Variants in ESR1 observed in about 807,000 individuals in gnomAD.
ESR1 encodes the protein estrogen receptor 1, also known as estrogen receptor.
Under a neutral mutation model 52.7 loss-of-function variants are expected in ESR1, and 12 were observed. That is an observed-to-expected ratio of 0.23 (90% CI 0.15 to 0.37). ESR1 has a LOEUF of 0.37. Ranked by LOEUF, ESR1 falls within the 10% of genes least tolerant of loss-of-function variation. ESR1 has a pLI of 1.00. For missense variants in ESR1, 584 were observed against 779.7 expected (o/e 0.75, Z 2.99); for synonymous variants, 305 against 316.8 (o/e 0.96, Z 0.39).
At chr6:151,845,162 A>C (rs1424844336) in intron 2 of ESR1, among the ~76,000 whole-genome samples, 1 of 152,244 alleles carries the variant, frequency 6.6e-6, no homozygotes, top group Non-Finnish European at 1.5e-5. Flanking sequence ...CAGAAAAAAC[A>C]GAAGGAAAAT....
At chr6:151,817,821 T>C (rs1187493747) in intron 1 of ESR1, among the ~76,000 whole-genome samples, 1 of 152,200 alleles carries the variant, frequency 6.6e-6, no homozygotes, top group Non-Finnish European at 1.5e-5. Flanking sequence ...ATAGGGTTCT[T>C]TTTCCCTCTG....
chr6:151,795,281 G>A, intron 2 of ESR1, among the ~76,000 whole-genome samples: 1 of 151,964 alleles, frequency 6.6e-6, no homozygotes, highest in Middle Eastern at 3.4e-3. Context: ...GAGGTCAGGA[G>A]TTTGAAACCA....
chr6:151,751,581 A>AG (rs1264240293), intron 2 of ESR1, among the ~76,000 whole-genome samples: 1 of 152,210 alleles, frequency 6.6e-6, no homozygotes, highest in Non-Finnish European at 1.5e-5. Context: ...GGAGAAATTT[A>AG]GGGGGGAAAA....
At chr6:152,112,070 A>G (rs765067107) in intron 6 of ESR1, among the ~76,000 whole-genome samples, 6 of 152,228 alleles carry the variant, frequency 3.9e-5, no homozygotes, top group Non-Finnish European at 7.3e-5. Context: ...GGAGGTTTGG[A>G]TGGAAAAGTT....
chr6:152,105,819 C>T (rs1292963204), downstream of ESR1, among the ~76,000 whole-genome samples: 4 of 109,858 alleles, frequency 3.6e-5, no homozygotes, highest in African/African-American at 7.2e-5. Context: ...CTCGCTCTGT[C>T]GCCCAGGCCG....
chr6:151,820,258 A>C (rs768507855), intron 1 of ESR1, among the ~76,000 whole-genome samples: 25 of 152,228 alleles, frequency 1.6e-4, no homozygotes, highest in Admixed American at 5.2e-4. Flanking sequence ...GCTCCAGCCC[A>C]GTTCCTTGGA....
chr6:151,676,500 A>G (rs1258951467), intron 1 of ESR1, among the ~76,000 whole-genome samples: 1 of 151,954 alleles, frequency 6.6e-6, no homozygotes, highest in African/African-American at 2.4e-5. Flanking sequence ...CTTTTCGGAG[A>G]TTTTTCACAA....
chr6:151,961,802 G>C (rs1023453886), intron 4 of ESR1, among the ~76,000 whole-genome samples: 1 of 152,282 alleles, frequency 6.6e-6, no homozygotes, highest in South Asian at 2.1e-4. Context: ...ATGGAATGGG[G>C]AAGGAAAGTA....
At chr6:152,070,718 C>T (rs1441322259) in intron 6 of ESR1, among the ~76,000 whole-genome samples, 1 of 139,040 alleles carries the variant, frequency 7.2e-6, no homozygotes, top group Non-Finnish European at 1.5e-5. Context: ...CCCTGCATGG[C>T]CTCCCCCATG....
chr6:151,681,711 T>C (rs1055908276), intron 1 of ESR1, among the ~76,000 whole-genome samples: 4 of 152,152 alleles, frequency 2.6e-5, no homozygotes, highest in African/African-American at 9.6e-5. Flanking sequence ...ACAGGCTGCT[T>C]CCTCCAGGCC....
intron 1 of ESR1, chr6:151,813,463 C>A (rs1779140155): frequency 6.6e-6 from 1 of 151,998 alleles, no homozygotes; most frequent in Admixed American, 6.5e-5. Context: ...CTCCTATGGA[C>A]CCTGGAGATG....
intron 6 of ESR1, among the ~76,000 whole-genome samples, chr6:152,084,427 A>G (rs1435274147): frequency 6.6e-6 from 1 of 152,004 alleles, no homozygotes. Context: ...ATAATAAAAA[A>G]AAAAGAAAGA....
At chr6:151,994,624 G>A (rs2041315410) in intron 4 of ESR1, among the ~76,000 whole-genome samples, 2 of 152,162 alleles carry the variant, frequency 1.3e-5, no homozygotes, top group Non-Finnish European at 2.9e-5. Context: ...GTGACAGTGG[G>A]CAGTGTCCAA....
intron 2 of ESR1, among the ~76,000 whole-genome samples, chr6:151,846,272 A>G (rs760721003): frequency 6.6e-6 from 1 of 152,256 alleles, no homozygotes; most frequent in African/African-American, 2.4e-5. Context: ...ATTTAATCCT[A>G]GACTGTGTAA....
intron 6 of ESR1, among the ~76,000 whole-genome samples, chr6:152,071,118 G>T (rs12526078): frequency 0.053 from 8,015 of 151,062 alleles, 524 homozygotes; most frequent in South Asian, 0.12. Context: ...TGAAACCTAG[G>T]GACAACTCCC....
At chr6:151,930,866 G>A (rs1375255432) in intron 3 of ESR1, among the ~76,000 whole-genome samples, 1 of 151,824 alleles carries the variant, frequency 6.6e-6, no homozygotes, top group East Asian at 1.9e-4. Context: ...CTTTATTAAT[G>A]TACGGTTTCT....
intron 2 of ESR1, among the ~76,000 whole-genome samples, chr6:151,879,477 T>TA (rs1462843971): frequency 6.6e-6 from 1 of 151,914 alleles, no homozygotes; most frequent in Non-Finnish European, 1.5e-5. Flanking sequence ...AGATGGAAGT[T>TA]AGAGAGCATG....
At chr6:151,850,026 AAT>A (rs1562473966) in intron 2 of ESR1, among the ~76,000 whole-genome samples, 5 of 45,472 alleles carry the variant, frequency 1.1e-4, no homozygotes, top group South Asian at 6.7e-4. Flanking sequence ...ATATATACAA[AAT>A]TATATATATA....
Position 152,101,927 on chromosome 6 carries a change from A to T in ESR1, c.*2961A>T, listed in dbSNP as rs979067331. 3.2e-5 allele frequency: 7 copies of T among 218,776 alleles called. No individual in the cohort carries two copies. The highest frequency in any genetic ancestry group is 4.6e-5 in the Non-Finnish European group (5 of 108,790). The allele number at this position is 218,776 out of a possible 1,614,324, so 13.6% of individuals were successfully genotyped here. A position where few individuals can be genotyped will look rare whatever the true frequency, so the allele number is the denominator to read the frequency against. On this transcript the variant is annotated 3_prime_UTR_variant, in exon 8 of 8. Coordinates refer to ENST00000206249, the MANE Select transcript of ESR1 (RefSeq NM_000125.4). The stretch of plus-strand genomic sequence containing the variant: ...AATGGCAGCTTCAGTTCTAGAGAAG[A>T]AAGAACAACATCAGCAGTAAAGTCC...
Sources: allele counts gnomAD v4.1 joint callset (sites outside exome capture counted in the v4.1 genomes callset), GRCh38; gene constraint gnomAD v4.1.1; transcripts MANE v1.5; gene names NCBI Gene and HGNC (gene_info 2026-07-23, HGNC 2026-07-21).